NIPAL3: variants seen among roughly 807,000 people sequenced by gnomAD.
NIPAL3 encodes the protein NIPA-like protein 3.
A neutral mutation model predicts 47.2 loss-of-function variants in NIPAL3; 41 were observed. The ratio of observed to expected loss-of-function variants is 0.87; its 90% CI spans 0.68 to 1.13. The LOEUF (loss-of-function observed/expected upper bound fraction) is 1.13, where lower values mean the gene tolerates loss of function less well. Ranked by LOEUF, NIPAL3 falls within the 50% of genes most tolerant of loss-of-function variation. The pLI is 0.00. For synonymous variants in NIPAL3, 194 were observed against 209.6 expected (o/e 0.93, Z 0.64); for missense variants, 449 against 530.1 (o/e 0.85, Z 1.50).
At position 24,454,633 on chromosome 1, in the gene NIPAL3, A is replaced by G. The variant is rs1319096489; in HGVS notation, c.637+1129A>G. 1.2e-6 allele frequency: 1 copy of G among 807,662 alleles called. No homozygotes were observed. Among genetic ancestry groups the G allele is most frequent in the Non-Finnish European group, 1.5e-6 (1 of 668,020 alleles). 50.0% of individuals were successfully genotyped at this position (807,662 alleles called of 1,614,324 possible). On this transcript the variant is annotated intron_variant, in intron 7 of 11. Coordinates refer to ENST00000374399, the MANE Select transcript of NIPAL3 (RefSeq NM_020448.5). The surrounding 1 kb of genome is among the most constrained non-coding windows in gnomAD (Gnocchi z 4.1). ...AATTCAGTGGTTTTTAGTATTTCAT[A>G]GAGTTGTGAAACCATCATCCTAATC...
intron 2 of NIPAL3, among the ~76,000 whole-genome samples, chr1:24,427,369 C>T (rs986236276): frequency 1.3e-5 from 2 of 152,196 alleles, no homozygotes; most frequent in Admixed American, 1.3e-4. Flanking sequence ...GTCATCACTT[C>T]ACAAGGGTTT....
intron 5 of NIPAL3, among the ~76,000 whole-genome samples, chr1:24,445,909 A>T (rs1645634949): frequency 6.6e-6 from 1 of 152,208 alleles, no homozygotes; most frequent in African/African-American, 2.4e-5. Context: ...ATAGGGCAAG[A>T]GGCAGAAGTG....
At chr1:24,434,832 C>T (rs1215423391) in intron 2 of NIPAL3, among the ~76,000 whole-genome samples, 3 of 151,984 alleles carry the variant, frequency 2.0e-5, no homozygotes, top group South Asian at 2.1e-4. Context: ...TTTAACAACA[C>T]GCTCCTAAAT....
intron 6 of NIPAL3, 60 bp from the exon 7 acceptor site, chr1:24,453,348 C>A: frequency 8.2e-7 from 1 of 1,219,452 alleles, no homozygotes; most frequent in Non-Finnish European, 1.2e-6. Context: ...CCACCAGGGT[C>A]TCCCGGTCTC....
At chr1:24,459,106 C>A in intron 9 of NIPAL3, 130 bp downstream of exon 9, 2 of 766,326 alleles carry the variant, frequency 2.6e-6, no homozygotes, top group Non-Finnish European at 2.2e-6. Context: ...GGAGAATGTG[C>A]AGGATTTCCA....
intron 4 of NIPAL3, among the ~76,000 whole-genome samples, chr1:24,443,056 T>C (rs1273115985): frequency 6.6e-6 from 1 of 152,166 alleles, no homozygotes; most frequent in Non-Finnish European, 1.5e-5. Context: ...TGCCTGCCTT[T>C]CCTCCCAAAG....
chr1:24,459,691 C>T (rs1646382587), intron 9 of NIPAL3, among the ~76,000 whole-genome samples: 1 of 152,254 alleles, frequency 6.6e-6, no homozygotes, highest in Non-Finnish European at 1.5e-5. Flanking sequence ...ACGAGGCGCA[C>T]AGCTTCCAGG....
intron 7 of NIPAL3, 115 bp downstream of exon 7, chr1:24,453,619 T>C (rs1646048020): frequency 2.4e-6 from 2 of 826,308 alleles, no homozygotes; most frequent in Non-Finnish European, 3.9e-6. Context: ...TGAGACTGGC[T>C]GAGGTTGTTC....
chr1:24,444,729 C>T (rs1046508273), intron 4 of NIPAL3, among the ~76,000 whole-genome samples: 3 of 152,022 alleles, frequency 2.0e-5, no homozygotes, highest in African/African-American at 7.2e-5. Context: ...AGGAAAGAGC[C>T]GGGGGAAATG....
intron 4 of NIPAL3, among the ~76,000 whole-genome samples, chr1:24,443,768 G>A (rs1272177873): frequency 6.6e-6 from 1 of 152,112 alleles, no homozygotes; most frequent in Non-Finnish European, 1.5e-5. Flanking sequence ...GTCTTTAGCT[G>A]AGGCAAGTAG....
At chr1:24,466,631 CT>C (rs1290991446) in intron 11 of NIPAL3, among the ~76,000 whole-genome samples, 1 of 152,228 alleles carries the variant, frequency 6.6e-6, no homozygotes, top group Non-Finnish European at 1.5e-5. Context: ...TTCTAACCCC[CT>C]CTTACATGGT....
At chr1:24,443,830 A>G (rs1165298870) in intron 4 of NIPAL3, among the ~76,000 whole-genome samples, 2 of 151,906 alleles carry the variant, frequency 1.3e-5, no homozygotes, top group African/African-American at 2.4e-5. Context: ...ACCATTTTCT[A>G]TATTTGTGTT....
intron 5 of NIPAL3, among the ~76,000 whole-genome samples, chr1:24,447,961 G>C (rs1388995738): frequency 3.9e-5 from 6 of 152,256 alleles, no homozygotes; most frequent in Non-Finnish European, 8.8e-5. Flanking sequence ...TTCACTCAGT[G>C]CTAGACCTGT....
chr1:24,471,847 A>G lies in NIPAL3; in HGVS notation c.*2662A>G, dbSNP rs1252790844. 6.6e-6 allele frequency: 1 copy of G among 152,182 alleles called. No individual in the cohort carries two copies. The highest frequency in any genetic ancestry group is 1.5e-5 in the Non-Finnish European group (1 of 68,034). The allele number at this position is 152,182 out of a possible 1,614,324, so 9.4% of individuals were successfully genotyped here. A position where few individuals can be genotyped will look rare whatever the true frequency, so the allele number is the denominator to read the frequency against. On this transcript the variant is annotated 3_prime_UTR_variant, in exon 12 of 12. Coordinates refer to ENST00000374399, the MANE Select transcript of NIPAL3 (RefSeq NM_020448.5). The stretch of plus-strand genomic sequence containing the variant: ...AAAATCAGGTTTCACTGCTATTTAT[A>G]TATTTCTCCTTTCCCAAATGATTTT...
intron 3 of NIPAL3, among the ~76,000 whole-genome samples, chr1:24,440,767 T>C (rs1477763620): frequency 2.0e-5 from 3 of 152,084 alleles, no homozygotes; most frequent in Non-Finnish European, 4.4e-5. Flanking sequence ...AGTTGGGGTG[T>C]GCACTGGGGG....
chr1:24,468,950 C>T (rs765176520), intron 11 of NIPAL3, 36 bp from the exon 12 acceptor site: 7 of 1,602,988 alleles, frequency 4.4e-6, no homozygotes, highest in East Asian at 2.2e-5. Context: ...GCCCCCTTAC[C>T]GCGTAATGAT....
chr1:24,454,299 C>T lies in NIPAL3; in HGVS notation c.637+795C>T, dbSNP rs1435712320. 7.8e-6 allele frequency: 9 copies of T among 1,160,726 alleles called. No individual in the cohort carries two copies. Among genetic ancestry groups the T allele is most frequent in the Admixed American group, 4.2e-5 (1 of 23,886 alleles). 71.9% of individuals were successfully genotyped at this position (1,160,726 alleles called of 1,614,324 possible). ...AGGCTGGTGTCAGGGCTGGTGAAGCCTGCTACCGCGCTGCTCTTGAGTGGC... is the reference window on the plus strand; with the variant it reads ...AGGCTGGTGTCAGGGCTGGTGAAGCTTGCTACCGCGCTGCTCTTGAGTGGC... On this transcript the variant is annotated intron_variant, in intron 7 of 11. Transcript: ENST00000374399. This position sits in a 1 kb window ranked among gnomAD's most constrained non-coding sequence, Gnocchi z 4.1.
At chr1:24,463,832 ATTG>A (rs1171150380) in intron 10 of NIPAL3, among the ~76,000 whole-genome samples, 191 bp from the exon 11 acceptor site, 1 of 151,658 alleles carries the variant, frequency 6.6e-6, no homozygotes, top group East Asian at 1.9e-4. Flanking sequence ...CACTCCAGCT[ATTG>A]TTATTCAACT....
intron 2 of NIPAL3, among the ~76,000 whole-genome samples, chr1:24,430,296 G>GCC (rs1644821408): frequency 2.0e-5 from 3 of 150,086 alleles, no homozygotes; most frequent in Non-Finnish European, 4.4e-5. Context: ...AGGCTGGAGT[G>GCC]CAGGAGTGCA....
Sources: allele counts gnomAD v4.1 joint callset (sites outside exome capture counted in the v4.1 genomes callset), GRCh38; gene constraint gnomAD v4.1.1; non-coding constraint Gnocchi (gnomAD v3.1); transcripts MANE v1.5; gene names NCBI Gene and HGNC (gene_info 2026-07-23, HGNC 2026-07-21).